Variants in WDR49 observed in about 807,000 individuals in gnomAD.
WDR49 encodes WD repeat domain 49.
Under a neutral mutation model 119.5 loss-of-function variants are expected in WDR49, and 107 were observed. The observed-to-expected ratio is 0.90, with a 90% CI of 0.77 to 1.05. The LOEUF (loss-of-function observed/expected upper bound fraction) is 1.05. WDR49 is among the 50% of genes least tolerant of loss of function. WDR49 has a pLI of 0.00. For missense variants in WDR49, 1,240 were observed against 1,220.5 expected (o/e 1.02, Z -0.24); for synonymous variants, 425 against 418.8 (o/e 1.01, Z -0.18).
Position 167,478,864 on chromosome 3 carries a change from T to C in WDR49, c.*14A>G. 6.5e-7 allele frequency: 1 copy of C among 1,548,222 alleles called. No homozygotes were observed. The highest frequency in any genetic ancestry group is 8.8e-7 in the Non-Finnish European group (1 of 1,133,144). Reference sequence around the variant, plus strand: ...TCTGTACCTTATGTAACAGTGAAGGTTTTTCTGTTGTAATTACTTCTTATT... The same window carrying C: ...TCTGTACCTTATGTAACAGTGAAGGCTTTTCTGTTGTAATTACTTCTTATT... On this transcript the variant is annotated 3_prime_UTR_variant, in exon 19 of 19. Transcript: ENST00000682715.
chr3:167,653,404 G>A lies in WDR49; in HGVS notation c.22C>T (p.Leu8Phe). The change falls in exon 2 of 19, where the codon CTT (leucine) becomes TTT (phenylalanine). Residue 8 changes from leucine (L) to phenylalanine (F), a missense_variant. Leu to Phe is a conservative substitution (Grantham distance 22). Coordinates refer to ENST00000682715, the MANE Select transcript of WDR49 (RefSeq NM_001366157.1). ...AGCTGTGACCCTATGTTTAACTCAA[G>A]TACAGCTTTCTGGCAACTCATAATG... MSCQKAV[L>F]ELNIGSQLGP... 6.6e-7 allele frequency: 1 copy of A among 1,526,330 alleles called. No homozygotes were observed. The highest frequency in any genetic ancestry group is 8.7e-7 in the Non-Finnish European group (1 of 1,142,952). 94.5% of individuals were successfully genotyped at this position (1,526,330 alleles called of 1,614,324 possible).
intron 14 of WDR49, among the ~76,000 whole-genome samples, 156 bp downstream of exon 14, chr3:167,528,896 A>C (rs769025874): frequency 4.6e-5 from 7 of 152,132 alleles, no homozygotes; most frequent in Non-Finnish European, 1.0e-4. Flanking sequence ...ATTTAAAAGA[A>C]GTCTCTGCAT....
intron 7 of WDR49, among the ~76,000 whole-genome samples, chr3:167,600,394 A>T (rs560944818): frequency 1.3e-5 from 2 of 152,280 alleles, no homozygotes; most frequent in South Asian, 4.2e-4. Context: ...AAGGGGTGGC[A>T]TTGGTAATTG....
At chr3:167,600,990 T>C (rs1715742735) in intron 7 of WDR49, among the ~76,000 whole-genome samples, 1 of 152,024 alleles carries the variant, frequency 6.6e-6, no homozygotes, top group South Asian at 2.1e-4. Context: ...GATGAAAGAC[T>C]GAAGAATTTT....
chr3:167,521,850 C>T (rs116729920), intron 16 of WDR49, among the ~76,000 whole-genome samples: 8 of 152,078 alleles, frequency 5.3e-5, no homozygotes, highest in South Asian at 2.1e-4. Flanking sequence ...CATAGAGAGA[C>T]GAGAAGCCTT....
intron 16 of WDR49, among the ~76,000 whole-genome samples, chr3:167,519,037 C>T (rs867508446): frequency 2.0e-5 from 3 of 152,050 alleles, no homozygotes; most frequent in Non-Finnish European, 4.4e-5. Flanking sequence ...CTCAACATCA[C>T]TGATCATTAG....
chr3:167,629,075 G>A (rs1717252953), intron 2 of WDR49, among the ~76,000 whole-genome samples: 1 of 152,090 alleles, frequency 6.6e-6, no homozygotes, highest in African/African-American at 2.4e-5. Flanking sequence ...GAGCAACATA[G>A]TGAGACTCCA....
chr3:167,621,097 C>T (rs1420014490), intron 4 of WDR49, among the ~76,000 whole-genome samples: 1 of 151,932 alleles, frequency 6.6e-6, no homozygotes, highest in Non-Finnish European at 1.5e-5. Flanking sequence ...GTAGGAAAAT[C>T]AGAACAATAA....
intron 8 of WDR49, among the ~76,000 whole-genome samples, chr3:167,563,026 G>T (rs1415965681): frequency 6.6e-6 from 1 of 152,102 alleles, no homozygotes; most frequent in Non-Finnish European, 1.5e-5. Flanking sequence ...ATAGTATCTT[G>T]CTTTCCTCCA....
chr3:167,589,645 C>A (rs1715004920), intron 7 of WDR49, among the ~76,000 whole-genome samples: 1 of 151,804 alleles, frequency 6.6e-6, no homozygotes, highest in African/African-American at 2.4e-5. Context: ...CATACAAATC[C>A]TTCACTCTTT....
intron 2 of WDR49, among the ~76,000 whole-genome samples, chr3:167,647,593 G>A (rs959916697): frequency 1.3e-5 from 2 of 152,108 alleles, no homozygotes; most frequent in African/African-American, 4.8e-5. Flanking sequence ...TATTGGATTT[G>A]TCTTCATGCT....
chr3:167,564,045 G>A (rs1287998965), intron 8 of WDR49, among the ~76,000 whole-genome samples: 2 of 152,168 alleles, frequency 1.3e-5, no homozygotes, highest in African/African-American at 2.4e-5. Flanking sequence ...GTTATCTAAC[G>A]TAGATACTCA....
intron 18 of WDR49, among the ~76,000 whole-genome samples, chr3:167,495,148 C>T (rs1751304463): frequency 1.3e-5 from 2 of 151,746 alleles, no homozygotes; most frequent in Non-Finnish European, 2.9e-5. Flanking sequence ...GACTAAAAAC[C>T]AAGAGGAAAA....
At chr3:167,500,438 G>C (rs968392668) in intron 17 of WDR49, 139 bp from the exon 18 acceptor site, 3 of 987,908 alleles carry the variant, frequency 3.0e-6, no homozygotes, top group African/African-American at 3.4e-5. Context: ...CAGCTGCAGT[G>C]ATCTGCAAAC....
chr3:167,598,602 T>C (rs528796981), intron 7 of WDR49, among the ~76,000 whole-genome samples: 1 of 152,296 alleles, frequency 6.6e-6, no homozygotes, highest in East Asian at 1.9e-4. Flanking sequence ...CCCTTCACCT[T>C]CCACCATGAT....
At chr3:167,654,783 C>G (rs146276513), upstream of WDR49, among the ~76,000 whole-genome samples, 3 of 151,960 alleles carry the variant, frequency 2.0e-5, no homozygotes, top group East Asian at 5.8e-4. Flanking sequence ...CCTGTGATCC[C>G]AGCTACTCGG....
intron 11 of WDR49, among the ~76,000 whole-genome samples, chr3:167,535,156 G>A (rs576113497): frequency 5.3e-5 from 8 of 152,208 alleles, no homozygotes; most frequent in African/African-American, 9.6e-5. Context: ...TGGTAGAGCC[G>A]TGAGGGGAAA....
chr3:167,637,882 C>T (rs1000849896), intron 2 of WDR49, among the ~76,000 whole-genome samples: 14 of 151,420 alleles, frequency 9.2e-5, no homozygotes, highest in African/African-American at 3.1e-4. Flanking sequence ...GTTCCAGGAG[C>T]TTTTTGGAGT....
chr3:167,505,916 A>G (rs532691486), intron 16 of WDR49, among the ~76,000 whole-genome samples: 2 of 152,186 alleles, frequency 1.3e-5, no homozygotes, highest in Non-Finnish European at 2.9e-5. Context: ...AATTCACAGA[A>G]AGGATTTTTA....
Sources: gnomAD v4.1 joint callset for allele counts (sites outside exome capture counted in the v4.1 genomes callset) on GRCh38, gnomAD v4.1.1 for gene constraint, MANE v1.5 for transcripts, NCBI Gene and HGNC (gene_info 2026-07-23, HGNC 2026-07-21) for gene names.